The following ECE2 variants were observed in gnomAD, a reference collection of about 807,000 sequenced individuals.
ECE2 encodes endothelin-converting enzyme 2.
ECE2 carries 81 observed loss-of-function variants against 100.6 expected under a neutral mutation model. The observed-to-expected ratio is 0.81, with a 90% CI of 0.67 to 0.97. ECE2 has a LOEUF of 0.97. ECE2 is among the 50% of genes least tolerant of loss of function. The pLI, the probability that ECE2 is intolerant of heterozygous loss-of-function variation, is 0.00. For missense variants in ECE2, 911 were observed against 988.1 expected (o/e 0.92, Z 1.05); for synonymous variants, 391 against 391.5 (o/e 1.00, Z 0.02).
At chr3:184,281,834 C>T (rs1235878032) in intron 7 of ECE2, among the ~76,000 whole-genome samples, 3 of 152,232 alleles carry the variant, frequency 2.0e-5, no homozygotes, top group Admixed American at 1.3e-4. Context: ...TGCAGTGGCT[C>T]ACGCCTGTGG....
chr3:184,287,704 C>G, intron 10 of ECE2, 133 bp from the exon 11 acceptor site: 1 of 694,724 alleles, frequency 1.4e-6, no homozygotes, highest in Admixed American at 2.7e-5. Flanking sequence ...CAAAAAAAGA[C>G]AGATGTGGCA....
At position 184,290,574 on chromosome 3, in the gene ECE2, A is replaced by G. The variant is rs1401092494; in HGVS notation, c.1673A>G (p.Gln558Arg). The G allele has an allele frequency of 6.2e-6, 10 of 1,613,998 alleles. No homozygotes were observed. The highest frequency in any genetic ancestry group is 7.6e-6 in the Non-Finnish European group (9 of 1,180,006). ...TCCGCCAGGTGGAGCATGACCCCCC[A>G]GACAGTGAATGCCTACTACCTTCCA... ...PSRDQWSMTPQTVNAYYLPTK... is the reference protein window; with the variant it reads ...PSRDQWSMTPRTVNAYYLPTK... The change falls in exon 15 of 19, where the codon CAG becomes CGG. Residue 558 changes from glutamine (Q) to arginine (R), a missense_variant. Gln to Arg is a conservative substitution (Grantham distance 43). Transcript: ENST00000404464.
rs765953411 is a variant in ECE2 at position 184,291,159 on chromosome 3, G to C, written c.1954G>C (p.Glu652Gln). 8.1e-6 allele frequency: 13 copies of C among 1,613,916 alleles called. No individual in the cohort carries two copies. The South Asian group carries it at 1.4e-4, about 18-fold the overall frequency. ...EQYNQYQVNG[E>Q]RLNGRQTLGE... ...GTACAATCAATACCAGGTCAATGGG[G>C]AGAGGCTCAACGGCCGCCAGACGCT... The change falls in exon 17 of 19, where the codon GAG (glutamate) becomes CAG (glutamine). Residue 652 changes from glutamate (E) to glutamine (Q), a missense_variant. Coordinates refer to ENST00000404464, the MANE Select transcript of ECE2 (RefSeq NM_001100121.2). This position sits in a 1 kb window ranked among gnomAD's most constrained non-coding sequence, Gnocchi z 4.1.
intron 7 of ECE2, among the ~76,000 whole-genome samples, chr3:184,280,189 G>C (rs1212844195): frequency 2.6e-5 from 4 of 152,176 alleles, no homozygotes; most frequent in Non-Finnish European, 5.9e-5. Flanking sequence ...GGTACATTGA[G>C]AAAGAGGAGA....
chr3:184,290,868 C>T lies in ECE2; in HGVS notation c.1834+8C>T. 1 of 1,614,138 alleles carries T rather than the reference C, an allele frequency of 6.2e-7. No homozygotes were observed. The highest frequency in any genetic ancestry group is 1.6e-4 in the Middle Eastern group (1 of 6,062). On this transcript the variant is annotated splice_region_variant and intron_variant, in intron 16 of 18. Coordinates refer to ENST00000404464, the MANE Select transcript of ECE2 (RefSeq NM_001100121.2). ...ATGCCTTTGATGACCAAGGTAGGGGCCCATGGAGTCGTCCCCTCTAGCCTA... is the reference window on the plus strand; with the variant it reads ...ATGCCTTTGATGACCAAGGTAGGGGTCCATGGAGTCGTCCCCTCTAGCCTA...
rs77850601 is a variant in ECE2 at position 184,281,709 on chromosome 3, T to C, written c.817-2076T>C. On this transcript the variant is annotated intron_variant, in intron 7 of 18. Coordinates refer to ENST00000404464, the MANE Select transcript of ECE2 (RefSeq NM_001100121.2). ...TTTGGAAGGGGCAAGAGGAAAGACT[T>C]CGGTTTGGCTGTCAGCATGTCACTG... 1.5e-4 allele frequency among the ~76,000 whole-genome samples: 23 copies of C among 152,318 alleles called. No homozygotes were observed. The East Asian group carries it at 4.2e-3, about 28-fold the overall frequency.
chr3:184,281,809 T>C (rs1720823217), intron 7 of ECE2, among the ~76,000 whole-genome samples: 1 of 152,164 alleles, frequency 6.6e-6, no homozygotes, highest in Admixed American at 6.5e-5. Context: ...GGATGAAAAC[T>C]AAGAGTAGGC....
intron 3 of ECE2, 101 bp from the exon 4 acceptor site, chr3:184,277,148 TTC>T (rs769601280): frequency 1.2e-6 from 2 of 1,601,940 alleles, no homozygotes; most frequent in Non-Finnish European, 1.7e-6. Context: ...CGGCTTTGCT[TTC>T]TCTTCCCAAC....
Position 184,278,066 on chromosome 3 carries a change from G to C in ECE2, c.603+17G>C, listed in dbSNP as rs2272471. ...ATTGAGAAGGTAGGGCCACTGAGCC[G>C]GTTGAGGGCAGGGGAGCAGGAGAGG... On this transcript the variant is annotated intron_variant, in intron 5 of 18. Transcript: ENST00000404464. 6.2e-7 allele frequency: 1 copy of C among 1,613,416 alleles called. No individual in the cohort carries two copies. The highest frequency in any genetic ancestry group is 1.3e-5 in the African/African-American group (1 of 74,806).
Position 184,289,244 on chromosome 3 carries a change from A to G in ECE2, c.1375-193A>G, listed in dbSNP as rs1721197020. 6.6e-6 allele frequency among the ~76,000 whole-genome samples: 1 copy of G among 152,152 alleles called. No individual in the cohort carries two copies. Among genetic ancestry groups the G allele is most frequent in the African/African-American group, 2.4e-5 (1 of 41,430 alleles). Reference sequence around the variant, plus strand: ...TTAAAATGTGTACTTAATTAAGAAAAAAGCCAGCCACAATCCCAGTACCTT... The same window carrying G: ...TTAAAATGTGTACTTAATTAAGAAAGAAGCCAGCCACAATCCCAGTACCTT... On this transcript the variant is annotated intron_variant, in intron 11 of 18. Transcript: ENST00000404464. The surrounding 1 kb of genome is among the most constrained non-coding windows in gnomAD (Gnocchi z 4.1).
In ECE2 at chr3:184,285,022, G is replaced by T; in HGVS notation, c.1065G>T (p.Glu355Asp). 6.2e-7 allele frequency: 1 copy of T among 1,614,182 alleles called. No homozygotes were observed. Among genetic ancestry groups the T allele is most frequent in the Non-Finnish European group, 8.5e-7 (1 of 1,180,042 alleles). The change falls in exon 9 of 19, where the codon GAG (glutamate) becomes GAT (aspartate). Residue 355 changes from glutamate (E) to aspartate (D), a missense_variant. Physicochemically the swap from Glu to Asp is conservative, Grantham distance 45 (BLOSUM62 2). Transcript: ENST00000404464. ...TGTCTTTCTTGCTGTCACCATTGGA[G>T]TTGAGTGACTCTGAGCCTGTGGTGG... ...EFLSFLLSPL[E>D]LSDSEPVVVY...
chr3:184,290,904 T>C, intron 16 of ECE2, 44 bp downstream of exon 16: 2 of 1,613,086 alleles, frequency 1.2e-6, no homozygotes, highest in Non-Finnish European at 8.5e-7. Context: ...GAATTCCCAG[T>C]GGCTCCTGCA....
At position 184,290,369 on chromosome 3, in the gene ECE2, C is replaced by CGGGGTGGACATAGACACTA; in HGVS notation, c.1655+19_1655+37dup. 2.5e-6 allele frequency: 4 copies of CGGGGTGGACATAGACACTA among 1,611,964 alleles called. No homozygotes were observed. Among genetic ancestry groups the CGGGGTGGACATAGACACTA allele is most frequent in the Non-Finnish European group, 3.4e-6 (4 of 1,178,390 alleles). ...TCCCAGCCGAGACCAGTGAGAATGA[C>CGGGGTGGACATAGACACTA]GGGGTGGACATAGACACTAGGGGTG... On this transcript the variant is annotated intron_variant, in intron 14 of 18. Coordinates refer to ENST00000404464, the MANE Select transcript of ECE2 (RefSeq NM_001100121.2).
chr3:184,276,209 G>A lies in ECE2; in HGVS notation c.39+17G>A. The A allele has an allele frequency of 2.1e-6, 3 of 1,443,506 alleles. No homozygotes were observed. The South Asian group carries it at 4.3e-5, about 20-fold the overall frequency. The allele number at this position is 1,443,506 out of a possible 1,614,324, so 89.4% of individuals were successfully genotyped here. A position where few individuals can be genotyped will look rare whatever the true frequency, so the allele number is the denominator to read the frequency against. On this transcript the variant is annotated intron_variant, in intron 1 of 18. Transcript: ENST00000404464. The stretch of plus-strand genomic sequence containing the variant: ...GGCAGCAACGTGAGTGGGGGCCCCG[G>A]GCTCCACGGGAGGGGACTGGGTGGA...
chr3:184,282,963 C>T (rs1299235030), intron 7 of ECE2, among the ~76,000 whole-genome samples: 1 of 152,146 alleles, frequency 6.6e-6, no homozygotes, highest in Non-Finnish European at 1.5e-5. Flanking sequence ...TAGCTTGAGG[C>T]CTGGCAGGAT....
intron 11 of ECE2, among the ~76,000 whole-genome samples, chr3:184,288,480 G>A (rs1721168365): frequency 6.6e-6 from 1 of 152,036 alleles, no homozygotes; most frequent in South Asian, 2.1e-4. Context: ...ATTAGGATAT[G>A]ATAATGGATG....
At chr3:184,276,667 C>A in intron 2 of ECE2, 100 bp downstream of exon 2, 1 of 1,562,022 alleles carries the variant, frequency 6.4e-7, no homozygotes, top group Non-Finnish European at 8.7e-7. Context: ...CACCTGCCCC[C>A]ACCTCCGCTC....
chr3:184,288,469 T>C (rs1002027748), intron 11 of ECE2, among the ~76,000 whole-genome samples: 26 of 152,186 alleles, frequency 1.7e-4, no homozygotes, highest in Admixed American at 6.5e-5. Flanking sequence ...AATATTTATT[T>C]ATTAGGATAT....
chr3:184,291,318 C>A lies in ECE2; in HGVS notation c.2026-26C>A. On this transcript the variant is annotated intron_variant, in intron 17 of 18. Transcript: ENST00000404464. This position sits in a 1 kb window ranked among gnomAD's most constrained non-coding sequence, Gnocchi z 4.1. ...GTGGGTGGGGGCAGGCCTGGATGGG[C>A]TTGTTGCCCACTGTTCTGTCCCCAG... 1.3e-6 allele frequency: 2 copies of A among 1,592,032 alleles called. No individual in the cohort carries two copies. The highest frequency in any genetic ancestry group is 1.1e-5 in the South Asian group (1 of 87,724).
Sources: gnomAD v4.1 joint callset for allele counts (sites outside exome capture counted in the v4.1 genomes callset) on GRCh38, gnomAD v4.1.1 for gene constraint, Gnocchi (gnomAD v3.1) non-coding constraint, MANE v1.5 for transcripts, NCBI Gene and HGNC (gene_info 2026-07-23, HGNC 2026-07-21) for gene names.